Variants in CST6 observed in about 807,000 individuals in gnomAD.
CST6 encodes cystatin E/M.
In CST6, 8 loss-of-function variants were observed where a neutral mutation model predicts 10.7. The observed-to-expected ratio is 0.75, with a 90% CI of 0.44 to 1.34. CST6 has a LOEUF of 1.34. CST6 is among the 40% of genes most tolerant of loss of function. CST6 has a pLI of 0.01. For missense variants in CST6, 206 were observed against 205.1 expected, an observed-to-expected ratio of 1.00 and a Z score of -0.03; for synonymous variants, 100 against 89.3, an observed-to-expected ratio of 1.12 and a Z score of -0.68.
intron 1 of CST6, 30 bp from the exon 2 acceptor site, chr11:66,012,796 C>T: frequency 6.3e-7 from 1 of 1,578,992 alleles, no homozygotes; most frequent in Non-Finnish European, 8.6e-7. Context: ...GGGTCAAGAC[C>T]CCTGACCTGC....
intron 2 of CST6, 23 bp from the exon 3 acceptor site, chr11:66,013,294 T>C: frequency 6.2e-7 from 1 of 1,608,988 alleles, no homozygotes; most frequent in Admixed American, 1.7e-5. Flanking sequence ...CACCCCTCCT[T>C]CTCCCCCATA....
chr11:66,012,331 G>C, intron 1 of CST6, 47 bp downstream of exon 1: 1 of 1,537,874 alleles, frequency 6.5e-7, no homozygotes, highest in South Asian at 1.2e-5. Context: ...CCAGATGGGG[G>C]AGGCCACAGG....
At chr11:66,012,317 CG>C in intron 1 of CST6, 33 bp downstream of exon 1, 1 of 1,555,710 alleles carries the variant, frequency 6.4e-7, no homozygotes, top group Non-Finnish European at 8.7e-7. Flanking sequence ...AGGGGACACC[CG>C]GCCCAGATGG....
chr11:66,012,287 G>A lies in CST6; in HGVS notation c.240+3G>A, dbSNP rs1204353871. ...ACATCATCAAGGCGCAGAGCCAGGT[G>A]CGGCGGGCGGGGTGCTGGGAGGGGA... On this transcript the variant is annotated splice_donor_region_variant and intron_variant, in intron 1 of 2. Coordinates refer to ENST00000312134, the MANE Select transcript of CST6 (RefSeq NM_001323.4). The A allele has an allele frequency of 1.3e-6, 2 of 1,590,426 alleles. No individual in the cohort carries two copies. The highest frequency in any genetic ancestry group is 1.7e-6 in the Non-Finnish European group (2 of 1,164,674).
rs1480015578 is a variant in CST6 at position 66,012,892 on chromosome 11, G to T, written c.307G>T (p.Val103Phe). The T allele has an allele frequency of 6.2e-6, 10 of 1,613,808 alleles. No individual in the cohort carries two copies. The highest frequency in any genetic ancestry group is 1.1e-5 in the South Asian group (1 of 91,072). Reference sequence around the variant, plus strand: ...GAGCACAGACTGCCGCAAGACCAGGGTCACTGGAGACCACGTCGACCTCAC... The same window carrying T: ...GAGCACAGACTGCCGCAAGACCAGGTTCACTGGAGACCACGTCGACCTCAC... The part of the protein sequence containing the change: ...MGSTDCRKTR[V>F]TGDHVDLTTC... Residue 103 changes from valine (V) to phenylalanine (F), a missense_variant, in exon 2 of 3, where the codon GTC becomes TTC. Val to Phe is a conservative substitution (Grantham distance 50). Transcript: ENST00000312134.
At chr11:66,012,655 C>A in intron 1 of CST6, among the ~76,000 whole-genome samples, 171 bp from the exon 2 acceptor site, 1 of 116,206 alleles carries the variant, frequency 8.6e-6, no homozygotes, top group East Asian at 3.0e-4. Context: ...CCTCCATCCC[C>A]ACCAGAACTC....
chr11:66,012,139 A>G lies in CST6; in HGVS notation c.95A>G (p.Glu32Gly). ...LPRDARARPQ[E>G]RMVGELRDLS... Reference sequence around the variant, plus strand: ...CGCGACGCCCGGGCCCGGCCGCAGGAGCGCATGGTCGGAGAACTCCGGGAC... The same window carrying G: ...CGCGACGCCCGGGCCCGGCCGCAGGGGCGCATGGTCGGAGAACTCCGGGAC... The change falls in exon 1 of 3, where the codon GAG becomes GGG. Residue 32 changes from glutamate (E) to glycine (G), a missense_variant. Glu to Gly is a moderately conservative substitution (Grantham distance 98, BLOSUM62 -2). Transcript: ENST00000312134. The G allele has an allele frequency of 6.4e-7, 1 of 1,552,476 alleles. No individual in the cohort carries two copies. Among genetic ancestry groups the G allele is most frequent in the Non-Finnish European group, 8.7e-7 (1 of 1,153,178 alleles).
chr11:66,013,123 G>A (rs1856187782), intron 2 of CST6, 172 bp downstream of exon 2: 2 of 1,029,304 alleles, frequency 1.9e-6, no homozygotes, highest in Non-Finnish European at 3.0e-6. Context: ...AGGAAGCTGG[G>A]GCTTCCCTCG....
At position 66,013,338 on chromosome 11, in the gene CST6, G is replaced by A. The variant is rs973481908; in HGVS notation, c.388G>A (p.Val130Ile). The part of the protein sequence containing the change: ...QQEKLRCDFE[V>I]LVVPWQNSSQ... ...ACAGAAGCTGCGCTGTGACTTTGAG[G>A]TCCTTGTGGTTCCCTGGCAGAACTC... Residue 130 changes from valine to isoleucine, a missense_variant, in exon 3 of 3, where the codon GTC (valine) becomes ATC (isoleucine). Physicochemically the swap from Val to Ile is conservative, Grantham distance 29. Coordinates refer to ENST00000312134, the MANE Select transcript of CST6 (RefSeq NM_001323.4). 1 of 1,614,168 alleles carries A rather than the reference G, an allele frequency of 6.2e-7. No individual in the cohort carries two copies.
chr11:66,012,489 A>G (rs1856177820), intron 1 of CST6, among the ~76,000 whole-genome samples: 1 of 152,214 alleles, frequency 6.6e-6, no homozygotes, highest in Admixed American at 6.5e-5. Flanking sequence ...GTATTGCACT[A>G]CCTGCCTTCC....
chr11:66,012,322 C>A (rs914742624), intron 1 of CST6, 38 bp downstream of exon 1: 10 of 1,549,178 alleles, frequency 6.5e-6, no homozygotes, highest in Non-Finnish European at 8.8e-6. Context: ...ACACCCGGCC[C>A]AGATGGGGGA....
At chr11:66,013,092 G>C (rs758606128) in intron 2 of CST6, 141 bp downstream of exon 2, 1 of 1,212,652 alleles carries the variant, frequency 8.2e-7, no homozygotes, top group East Asian at 2.5e-5. Context: ...GTCAGCCTCT[G>C]GGCCAAGATG....
chr11:66,012,278 G>A lies in CST6; in HGVS notation c.234G>A (p.Gln78=), dbSNP rs1329914214. 6.3e-7 allele frequency: 1 copy of A among 1,596,848 alleles called. No individual in the cohort carries two copies. Among genetic ancestry groups the A allele is most frequent in the Admixed American group, 1.7e-5 (1 of 59,464 alleles). ...YFRDTHIIKA[Q]SQLVAGIKYF... is the part of the protein sequence containing the mutation. The stretch of plus-strand genomic sequence containing the variant: ...GAGACACGCACATCATCAAGGCGCA[G>A]AGCCAGGTGCGGCGGGCGGGGTGCT... The change falls in exon 1 of 3, where the codon CAG becomes CAA. Residue 78 remains glutamine, a synonymous_variant. Coordinates refer to ENST00000312134, the MANE Select transcript of CST6 (RefSeq NM_001323.4).
chr11:66,012,710 C>A, intron 1 of CST6, 116 bp from the exon 2 acceptor site: 1 of 358,096 alleles, frequency 2.8e-6, no homozygotes, highest in Non-Finnish European at 4.8e-6. Context: ...TCTGAATCAT[C>A]CCCTCTCCCT....
At chr11:66,013,016 T>C (rs1389163238) in intron 2 of CST6, 65 bp downstream of exon 2, 1 of 1,583,362 alleles carries the variant, frequency 6.3e-7, no homozygotes, top group Non-Finnish European at 8.6e-7. Flanking sequence ...TTGTCCATCC[T>C]GAACTGGTTT....
intron 2 of CST6, 89 bp downstream of exon 2, chr11:66,013,040 G>C: frequency 6.7e-7 from 1 of 1,493,550 alleles, no homozygotes; most frequent in Non-Finnish European, 9.1e-7. Context: ...TGGACACGTA[G>C]ATGTCTAGAT....
intron 2 of CST6, 167 bp from the exon 3 acceptor site, chr11:66,013,150 C>A: frequency 1.0e-6 from 1 of 963,282 alleles, no homozygotes; most frequent in Non-Finnish European, 1.6e-6. Flanking sequence ...GGGAAGTTGG[C>A]TACCAAGATC....
chr11:66,013,430 T>A lies in CST6; in HGVS notation c.*30T>A. ...TCCCCGAGGGCGAAGGCCATTGGGT[T>A]TGGGGCCATGGTGGAGGGCACTTCA... On this transcript the variant is annotated 3_prime_UTR_variant, in exon 3 of 3. Coordinates refer to ENST00000312134, the MANE Select transcript of CST6 (RefSeq NM_001323.4). 1 of 1,588,618 alleles carries A rather than the reference T, an allele frequency of 6.3e-7. No individual in the cohort carries two copies. Among genetic ancestry groups the A allele is most frequent in the Non-Finnish European group, 8.6e-7 (1 of 1,156,646 alleles).
rs1002988565 is a variant in CST6 at position 66,012,150 on chromosome 11, G to A, written c.106G>A (p.Gly36Arg). 5.8e-6 allele frequency: 9 copies of A among 1,555,328 alleles called. No homozygotes were observed. The highest frequency in any genetic ancestry group is 1.9e-5 in the Admixed American group (1 of 51,832). The change falls in exon 1 of 3, where the codon GGA becomes AGA. Residue 36 changes from glycine to arginine, a missense_variant. Transcript: ENST00000312134. ...ARARPQERMV[G>R]ELRDLSPDDP... The stretch of plus-strand genomic sequence containing the variant: ...GGCCCGGCCGCAGGAGCGCATGGTC[G>A]GAGAACTCCGGGACCTGTCGCCCGA...
Sources: allele counts gnomAD v4.1 joint callset (sites outside exome capture counted in the v4.1 genomes callset), GRCh38; gene constraint gnomAD v4.1.1; transcripts MANE v1.5; gene names NCBI Gene and HGNC (gene_info 2026-07-23, HGNC 2026-07-21).